ARHGEF16: variants seen among roughly 807,000 people sequenced by gnomAD.
ARHGEF16 encodes Rho guanine exchange factor (GEF) 16.
In ARHGEF16, 59 loss-of-function variants were observed where a neutral mutation model predicts 74.1. That is an observed-to-expected ratio of 0.80 (90% CI 0.65 to 0.99). The LOEUF (loss-of-function observed/expected upper bound fraction) is 0.99, where lower values mean the gene tolerates loss of function less well. ARHGEF16 is among the 50% of genes least tolerant of loss of function. ARHGEF16 has a pLI of 0.00. For missense variants in ARHGEF16, 948 were observed against 986.6 expected, an observed-to-expected ratio of 0.96 and a Z score of 0.52; for synonymous variants, 415 against 412.6, an observed-to-expected ratio of 1.01 and a Z score of -0.07.
At chr1:3,478,965 C>T (rs1040512069) in intron 12 of ARHGEF16, among the ~76,000 whole-genome samples, 12 of 150,472 alleles carry the variant, frequency 8.0e-5, no homozygotes, top group Non-Finnish European at 1.6e-4. Flanking sequence ...GGCCCCGAGG[C>T]AGGAGAGCCC....
At position 3,463,374 on chromosome 1, in the gene ARHGEF16, G is replaced by C. The variant is rs41315268; in HGVS notation, c.290G>C (p.Ser97Thr). 2 of 1,550,258 alleles carry C rather than the reference G, an allele frequency of 1.3e-6. No individual in the cohort carries two copies. The highest frequency in any genetic ancestry group is 1.7e-6 in the Non-Finnish European group (2 of 1,146,914). ...ATCCCTAAGAGCCTGGCTGTGGCCAGCAAGGCAAAGACCCCAGCCCGCCAC... is the reference window on the plus strand; with the variant it reads ...ATCCCTAAGAGCCTGGCTGTGGCCACCAAGGCAAAGACCCCAGCCCGCCAC... ...QLIPKSLAVASKAKTPARHQS... is the reference protein window; with the variant it reads ...QLIPKSLAVATKAKTPARHQS... The change falls in exon 2 of 15, where the codon AGC (serine) becomes ACC (threonine). Residue 97 changes from serine (S) to threonine (T), a missense_variant. Ser to Thr is a moderately conservative substitution (Grantham distance 58, BLOSUM62 1). Transcript: ENST00000378378.
chr1:3,475,945 C>T, intron 9 of ARHGEF16, 25 bp from the exon 10 acceptor site: 1 of 1,545,280 alleles, frequency 6.5e-7, no homozygotes, highest in Non-Finnish European at 8.7e-7. Context: ...GCACCAGCCT[C>T]TCACACGGGA....
At chr1:3,466,541 C>T (rs1054970901) in intron 3 of ARHGEF16, among the ~76,000 whole-genome samples, 1 of 152,186 alleles carries the variant, frequency 6.6e-6, no homozygotes, top group Non-Finnish European at 1.5e-5. Flanking sequence ...GGCCCCACAC[C>T]GCGGGCTCTG....
At chr1:3,478,990 C>T (rs1639979199) in intron 12 of ARHGEF16, among the ~76,000 whole-genome samples, 1 of 152,152 alleles carries the variant, frequency 6.6e-6, no homozygotes, top group Non-Finnish European at 1.5e-5. Flanking sequence ...GCCCCGAGGG[C>T]ACAGCTGCAG....
intron 6 of ARHGEF16, chr1:3,472,874 T>C: frequency 3.1e-6 from 1 of 322,104 alleles, no homozygotes; most frequent in Non-Finnish European, 6.1e-6. Flanking sequence ...CTCTGACCAC[T>C]TCCCACCCGC....
chr1:3,474,048 C>T (rs780020951), intron 8 of ARHGEF16: 12 of 191,426 alleles, frequency 6.3e-5, no homozygotes, highest in Admixed American at 1.1e-4. Context: ...CACTCAGGCA[C>T]GTATGTGCCC....
chr1:3,472,777 G>C (rs1639765417), intron 6 of ARHGEF16: 1 of 351,226 alleles, frequency 2.8e-6, no homozygotes, highest in Non-Finnish European at 5.2e-6. Context: ...CGCCTTTGGG[G>C]ACAGTCCCTG....
In ARHGEF16 at chr1:3,478,015, C is replaced by T. The variant is rs1048520261; in HGVS notation, c.1614C>T (p.Thr538=). 6.2e-7 allele frequency: 1 copy of T among 1,612,560 alleles called. No individual in the cohort carries two copies. The highest frequency in any genetic ancestry group is 1.3e-5 in the African/African-American group (1 of 74,934). Residue 538 remains threonine (T), a synonymous_variant, in exon 11 of 15, where the codon ACC becomes ACT. Coordinates refer to ENST00000378378, the MANE Select transcript of ARHGEF16 (RefSeq NM_014448.4). ...LFLFNDVLVV[T]KKKSEESYMV... ...TGTTCAACGATGTCCTGGTTGTGAC[C>T]AAGAAGAAGAGGTGGCCTTAGGGCA...
At chr1:3,467,798 G>A (rs1381586381) in intron 4 of ARHGEF16, among the ~76,000 whole-genome samples, 2 of 152,138 alleles carry the variant, frequency 1.3e-5, no homozygotes, top group Admixed American at 1.3e-4. Flanking sequence ...AGCGTGGCCC[G>A]GCATTGGTCC....
In ARHGEF16 at chr1:3,459,808, G is replaced by T. The variant is rs551357989; in HGVS notation, c.-19-3258G>T. On this transcript the variant is annotated intron_variant, in intron 1 of 14. Coordinates refer to ENST00000378378, the MANE Select transcript of ARHGEF16 (RefSeq NM_014448.4). Reference sequence around the variant, plus strand: ...CCCTGGGGCTCAGCGCCTTCTGCCGGCACAGGCATCGTGTGATGGGGCCAG... The same window carrying T: ...CCCTGGGGCTCAGCGCCTTCTGCCGTCACAGGCATCGTGTGATGGGGCCAG... 7.2e-5 allele frequency among the ~76,000 whole-genome samples: 11 copies of T among 152,270 alleles called. No homozygotes were observed. In the East Asian group the frequency reaches 2.1e-3, roughly 30 times the overall value.
intron 4 of ARHGEF16, among the ~76,000 whole-genome samples, chr1:3,467,561 G>T (rs1031295292): frequency 6.6e-6 from 1 of 152,194 alleles, no homozygotes; most frequent in Non-Finnish European, 1.5e-5. Context: ...CCCTGCCGTC[G>T]TGCGTGCGAG....
intron 10 of ARHGEF16, among the ~76,000 whole-genome samples, chr1:3,477,066 G>C (rs949660337): frequency 6.6e-6 from 1 of 151,856 alleles, no homozygotes; most frequent in Non-Finnish European, 1.5e-5. Context: ...AAACGGGTGT[G>C]GGGGTGGGGA....
At chr1:3,458,959 AAG>A (rs1292360122) in intron 1 of ARHGEF16, among the ~76,000 whole-genome samples, 1 of 152,226 alleles carries the variant, frequency 6.6e-6, no homozygotes, top group Non-Finnish European at 1.5e-5. Flanking sequence ...ACAGAGAACA[AAG>A]TAGGGGAGGA....
chr1:3,461,442 G>A (rs1639392085), intron 1 of ARHGEF16, among the ~76,000 whole-genome samples: 2 of 152,216 alleles, frequency 1.3e-5, no homozygotes, highest in African/African-American at 2.4e-5. Context: ...GCACGGAGAG[G>A]CAGCGTCACT....
In ARHGEF16 at chr1:3,463,202, G is replaced by C; in HGVS notation, c.118G>C (p.Gly40Arg). Reference sequence around the variant, plus strand: ...AGCCTCCGGGCTCCCAATGGTCCGTGGCTCCCCGCGTGTTAGAGACGATGC... The same window carrying C: ...AGCCTCCGGGCTCCCAATGGTCCGTCGCTCCCCGCGTGTTAGAGACGATGC... ...NPASGLPMVR[G>R]SPRVRDDAAF... Residue 40 changes from glycine (G) to arginine (R), a missense_variant, in exon 2 of 15, where the codon GGC becomes CGC. Coordinates refer to ENST00000378378, the MANE Select transcript of ARHGEF16 (RefSeq NM_014448.4). The C allele has an allele frequency of 1.3e-6, 2 of 1,543,672 alleles. No homozygotes were observed. Among genetic ancestry groups the C allele is most frequent in the Non-Finnish European group, 1.8e-6 (2 of 1,142,072 alleles).
rs530572780 is a variant in ARHGEF16 at position 3,464,475 on chromosome 1, G to A, written c.588+803G>A. 2.0e-5 allele frequency among the ~76,000 whole-genome samples: 3 copies of A among 152,296 alleles called. No homozygotes were observed. In the East Asian group the frequency reaches 5.8e-4, roughly 29 times the overall value. ...CTTGGTCTCTTTAGCTGGTGGGTCT[G>A]GGCTCAGGCAGGGCTGGGGTAGGGG... On this transcript the variant is annotated intron_variant, in intron 2 of 14. Coordinates refer to ENST00000378378, the MANE Select transcript of ARHGEF16 (RefSeq NM_014448.4).
intron 1 of ARHGEF16, among the ~76,000 whole-genome samples, chr1:3,457,803 T>G (rs758564203): frequency 8.5e-5 from 13 of 152,160 alleles, no homozygotes; most frequent in Non-Finnish European, 1.3e-4. Context: ...GCACGCCTCC[T>G]CCTGGCAAGT....
Position 3,478,565 on chromosome 1 carries a change from C to A in ARHGEF16, c.1767C>A (p.Arg589=). 4.3e-6 allele frequency: 7 copies of A among 1,612,548 alleles called. No individual in the cohort carries two copies. The highest frequency in any genetic ancestry group is 5.9e-6 in the Non-Finnish European group (7 of 1,179,798). The part of the protein sequence containing the change: ...VPHPFQVTLL[R]NSEGRQEQLL... The stretch of plus-strand genomic sequence containing the variant: ...ACCCCTTCCAGGTGACCCTGCTTCG[C>A]AACAGCGAGGGCCGCCAGGAGCAGC... The change falls in exon 12 of 15, where the codon CGC becomes CGA. Residue 589 remains arginine, a synonymous_variant. Transcript: ENST00000378378.
intron 4 of ARHGEF16, among the ~76,000 whole-genome samples, chr1:3,468,111 C>T (rs1375257265): frequency 6.6e-6 from 1 of 152,198 alleles, no homozygotes; most frequent in African/African-American, 2.4e-5. Context: ...CAGTCTTACT[C>T]TCCTGCTGGG....
Sources: gnomAD v4.1 joint callset for allele counts (sites outside exome capture counted in the v4.1 genomes callset) on GRCh38, gnomAD v4.1.1 for gene constraint, MANE v1.5 for transcripts, NCBI Gene and HGNC (gene_info 2026-07-23, HGNC 2026-07-21) for gene names.